N4BP2L2: variants seen among roughly 807,000 people sequenced by gnomAD.
The protein encoded by N4BP2L2 is NEDD4 binding protein 2 like 2.
N4BP2L2 carries 50 observed loss-of-function variants against 56.2 expected under a neutral mutation model. The observed-to-expected ratio is 0.89, with a 90% CI of 0.71 to 1.13. The LOEUF is 1.13. Among genes scored for constraint, N4BP2L2 ranks in the 50% most tolerant of loss-of-function variants. The pLI is 0.00. For synonymous variants in N4BP2L2, 203 were observed against 223.6 expected, an observed-to-expected ratio of 0.91 and a Z score of 0.82; for missense variants, 689 against 693.8, an observed-to-expected ratio of 0.99 and a Z score of 0.08.
At chr13:32,496,005 G>A (rs1452156487) in intron 6 of N4BP2L2, among the ~76,000 whole-genome samples, 1 of 152,088 alleles carries the variant, frequency 6.6e-6, no homozygotes, top group Admixed American at 6.6e-5. Context: ...CTCCGAGGCT[G>A]TGACTACTCA....
intron 6 of N4BP2L2, among the ~76,000 whole-genome samples, chr13:32,498,987 TAAA>T (rs34972549): frequency 4.6e-5 from 4 of 87,098 alleles, no homozygotes; most frequent in Non-Finnish European, 6.8e-5. Flanking sequence ...AGACTCTGTC[TAAA>T]AAAAAAAAAA....
chr13:32,444,095 G>C (rs1467798729), exon 7 of N4BP2L2: 1 of 1,540,546 alleles, frequency 6.5e-7, no homozygotes, highest in South Asian at 1.3e-5. Flanking sequence ...GTTTTGCTGA[G>C]CCTATGCCCA....
intron 3 of N4BP2L2, chr13:32,526,913 A>C (rs866591879): frequency 6.8e-6 from 1 of 147,708 alleles, no homozygotes; most frequent in East Asian, 2.0e-4. Context: ...ATTAATGATA[A>C]ACAGAAATTG....
intron 6 of N4BP2L2, among the ~76,000 whole-genome samples, chr13:32,449,698 T>G (rs970577765): frequency 6.6e-6 from 1 of 152,218 alleles, no homozygotes; most frequent in Non-Finnish European, 1.5e-5. Context: ...AGTGGGTACT[T>G]CATAAATGGC....
exon 2 of N4BP2L2, chr13:32,536,971 A>T: frequency 6.2e-7 from 1 of 1,610,040 alleles, no homozygotes; most frequent in Non-Finnish European, 8.5e-7. Context: ...AGCGTGGCTC[A>T]CTCGTTACTT....
At chr13:32,445,020 A>T (rs550134852) in intron 6 of N4BP2L2, among the ~76,000 whole-genome samples, 1 of 152,302 alleles carries the variant, frequency 6.6e-6, no homozygotes, top group East Asian at 1.9e-4. Flanking sequence ...AAGCTGAGGT[A>T]GGTGGATCAC....
chr13:32,495,921 G>A (rs923547671), intron 6 of N4BP2L2, among the ~76,000 whole-genome samples: 4 of 152,058 alleles, frequency 2.6e-5, no homozygotes, highest in Non-Finnish European at 5.9e-5. Context: ...GACTTCAAGT[G>A]ATCCGCCTGC....
At chr13:32,440,634 T>C (rs778274456) in intron 7 of N4BP2L2, among the ~76,000 whole-genome samples, 3 of 152,012 alleles carry the variant, frequency 2.0e-5, no homozygotes, top group Non-Finnish European at 2.9e-5. Context: ...GGCTAATTTT[T>C]GTATTTTTAG....
exon 7 of N4BP2L2, chr13:32,443,763 A>G: frequency 6.4e-7 from 1 of 1,574,104 alleles, no homozygotes; most frequent in Non-Finnish European, 8.6e-7. Flanking sequence ...CAAACAAGTT[A>G]TCACCTTCCT....
intron 2 of N4BP2L2, among the ~76,000 whole-genome samples, chr13:32,533,322 T>C (rs1248964491): frequency 6.6e-6 from 1 of 150,816 alleles, no homozygotes; most frequent in Non-Finnish European, 1.5e-5. Flanking sequence ...GCCAAGGCTA[T>C]TATGGCCTAC....
intron 6 of N4BP2L2, chr13:32,490,204 CCTA>C (rs2086749895): frequency 6.6e-6 from 1 of 152,118 alleles, no homozygotes; most frequent in Non-Finnish European, 1.5e-5. Context: ...GTTTTGTCTG[CCTA>C]CTATTACATA....
exon 6 of N4BP2L2, chr13:32,517,058 G>T (rs2049387614): frequency 3.1e-6 from 3 of 972,108 alleles, no homozygotes; most frequent in Non-Finnish European, 3.7e-6. Flanking sequence ...TTTTATACTA[G>T]AATTATATCA....
chr13:32,501,686 G>A (rs1460473917), intron 6 of N4BP2L2, among the ~76,000 whole-genome samples: 2 of 151,936 alleles, frequency 1.3e-5, no homozygotes, highest in Non-Finnish European at 2.9e-5. Flanking sequence ...GTGGTGGTGG[G>A]CACCCGTAGT....
chr13:32,440,528 G>A (rs573899366), intron 7 of N4BP2L2, among the ~76,000 whole-genome samples: 5 of 152,098 alleles, frequency 3.3e-5, no homozygotes, highest in South Asian at 2.1e-4. Flanking sequence ...GTGCAGTGGC[G>A]CGATCTCAGT....
At chr13:32,468,302 A>T (rs2081613051) in intron 6 of N4BP2L2, among the ~76,000 whole-genome samples, 1 of 152,018 alleles carries the variant, frequency 6.6e-6, no homozygotes, top group African/African-American at 2.4e-5. Flanking sequence ...TAAGGGTAGG[A>T]TATGAAAAGA....
At chr13:32,432,717 CCTTA>C (rs2074996783) in exon 10 of N4BP2L2, 1 of 152,154 alleles carries the variant, frequency 6.6e-6, no homozygotes, top group Non-Finnish European at 1.5e-5. Flanking sequence ...GTTTTCTGTG[CCTTA>C]CTTTCTTCTA....
At chr13:32,515,139 C>CAA (rs1254827188) in exon 6 of N4BP2L2, 1,741 of 117,894 alleles carry the variant, frequency 0.015, 44 homozygotes, top group African/African-American at 0.049. Flanking sequence ...GACTCTGTCT[C>CAA]AAAAAAAAAA....
chr13:32,435,028 G>A (rs1264719895), intron 9 of N4BP2L2, among the ~76,000 whole-genome samples: 1 of 152,088 alleles, frequency 6.6e-6, no homozygotes, highest in African/African-American at 2.4e-5. Flanking sequence ...TTGTACTGGT[G>A]TCTCCTCATG....
intron 6 of N4BP2L2, among the ~76,000 whole-genome samples, chr13:32,468,032 T>C (rs530250481): frequency 6.6e-6 from 1 of 152,214 alleles, no homozygotes; most frequent in South Asian, 2.1e-4. Context: ...CTTTTAGATA[T>C]GCTCAGTTTC....
Sources: allele counts gnomAD v4.1 joint callset (sites outside exome capture counted in the v4.1 genomes callset), GRCh38; gene constraint gnomAD v4.1.1; transcripts MANE v1.5; gene names NCBI Gene and HGNC (gene_info 2026-07-23, HGNC 2026-07-21).